Variants in ZC3HC1 observed in about 807,000 individuals in gnomAD.
ZC3HC1 encodes the protein zinc finger C3HC-type protein 1.
A neutral mutation model predicts 61.9 loss-of-function variants in ZC3HC1; 38 were observed. The observed-to-expected ratio is 0.61, with a 90% CI of 0.47 to 0.81. ZC3HC1 has a LOEUF of 0.81. Ranked by LOEUF, ZC3HC1 falls within the 30% of genes least tolerant of loss-of-function variation. The pLI is 0.00. For synonymous variants in ZC3HC1, 213 were observed against 229.9 expected (o/e 0.93, Z 0.67); for missense variants, 554 against 622.7 (o/e 0.89, Z 1.17).
chr7:130,043,830 C>A (rs1364201698), intron 2 of ZC3HC1: 5 of 455,362 alleles, frequency 1.1e-5, no homozygotes, highest in South Asian at 7.8e-5. Flanking sequence ...GAAAGGATGG[C>A]AGCATGGCAG....
intron 9 of ZC3HC1, among the ~76,000 whole-genome samples, chr7:130,020,863 C>T (rs1049595529): frequency 1.5e-4 from 23 of 151,852 alleles, no homozygotes; most frequent in African/African-American, 5.3e-4. Flanking sequence ...ACTTGGAAAA[C>T]CTTCACCTGC....
At chr7:130,041,500 C>A (rs907826299) in intron 2 of ZC3HC1, among the ~76,000 whole-genome samples, 1 of 148,084 alleles carries the variant, frequency 6.8e-6, no homozygotes, top group African/African-American at 2.5e-5. Flanking sequence ...ATGAATAAGT[C>A]ATAAATTACA....
At chr7:130,028,621 G>T (rs943594812) in intron 5 of ZC3HC1, among the ~76,000 whole-genome samples, 1 of 152,100 alleles carries the variant, frequency 6.6e-6, no homozygotes, top group Non-Finnish European at 1.5e-5. Flanking sequence ...GGGCAAACTT[G>T]AATCTATGCT....
At chr7:130,044,928 A>T (rs544575671) in intron 2 of ZC3HC1, among the ~76,000 whole-genome samples, 1 of 152,340 alleles carries the variant, frequency 6.6e-6, no homozygotes, top group African/African-American at 2.4e-5. Context: ...TGTAATCTTC[A>T]AAAGTATCAA....
Position 130,018,674 on chromosome 7 carries a change from C to CA in ZC3HC1, c.1498dup (p.Cys500LeufsTer24), listed in dbSNP as rs1491063900. ...GGCGCTGGAGTATCTTCAGCATGAG[C>CA]ACAGAGATTCCCACTGCCGAAATAT... is the stretch of plus-strand genomic sequence containing the variant. On this transcript the variant is annotated frameshift_variant, in exon 10 of 10. Coordinates refer to ENST00000358303, the MANE Select transcript of ZC3HC1 (RefSeq NM_016478.5). LOFTEE classifies it high-confidence loss of function. The CA allele has an allele frequency of 1.9e-6, 3 of 1,610,842 alleles. No homozygotes were observed. The African/African-American group carries it at 4.0e-5, about 22-fold the overall frequency.
chr7:130,037,832 G>A (rs1391463580), intron 4 of ZC3HC1, among the ~76,000 whole-genome samples: 1 of 152,176 alleles, frequency 6.6e-6, no homozygotes, highest in African/African-American at 2.4e-5. Context: ...ATATACAGAT[G>A]AATAGTGTTG....
intron 2 of ZC3HC1, among the ~76,000 whole-genome samples, chr7:130,042,745 C>T (rs564685097): frequency 2.0e-5 from 3 of 152,278 alleles, no homozygotes; most frequent in Admixed American, 2.0e-4. Flanking sequence ...TGCAATGGCA[C>T]GAGCTCAGCT....
chr7:130,049,158 GC>G lies in ZC3HC1; in HGVS notation c.147-15del, dbSNP rs1191757693. On this transcript the variant is annotated splice_polypyrimidine_tract_variant and intron_variant, in intron 1 of 9. Coordinates refer to ENST00000358303, the MANE Select transcript of ZC3HC1 (RefSeq NM_016478.5). ...GACGTGTCCTTCCTAATATAAAGTG[GC>G]AAAACTGTTGGTAAACCTTTCACAG... 6.3e-7 allele frequency: 1 copy of G among 1,577,212 alleles called. No individual in the cohort carries two copies. The highest frequency in any genetic ancestry group is 8.6e-7 in the Non-Finnish European group (1 of 1,162,252).
Position 130,018,702 on chromosome 7 carries a change from G to C in ZC3HC1, c.1471C>G (p.Arg491Gly). ...SLSEKSRKVF[R>G]IFRQWESLCS... is the part of the protein sequence containing the mutation. ...AGAGATTCCCACTGCCGAAATATTC[G>C]GAATACTTTCCTTGATTTCTCAGAG... is the stretch of plus-strand genomic sequence containing the variant. The change falls in exon 10 of 10, where the codon CGA (arginine) becomes GGA (glycine). Residue 491 changes from arginine (R) to glycine (G), a missense_variant. Coordinates refer to ENST00000358303, the MANE Select transcript of ZC3HC1 (RefSeq NM_016478.5). 6.2e-7 allele frequency: 1 copy of C among 1,612,124 alleles called. No homozygotes were observed. The highest frequency in any genetic ancestry group is 8.5e-7 in the Non-Finnish European group (1 of 1,178,550).
chr7:130,042,289 T>C (rs1238952075), intron 2 of ZC3HC1, among the ~76,000 whole-genome samples: 1 of 142,142 alleles, frequency 7.0e-6, no homozygotes, highest in Non-Finnish European at 1.5e-5. Context: ...GGCAACAGAA[T>C]GAGACCCTGT....
chr7:130,032,795 GA>G (rs1794272975), intron 4 of ZC3HC1, among the ~76,000 whole-genome samples: 9 of 126,286 alleles, frequency 7.1e-5, no homozygotes, highest in South Asian at 3.2e-4. Flanking sequence ...GGGAGGGAAG[GA>G]AAGGAAGGGA....
intron 5 of ZC3HC1, 97 bp downstream of exon 5, chr7:130,028,805 C>A: frequency 6.7e-7 from 1 of 1,488,460 alleles, no homozygotes; most frequent in Non-Finnish European, 9.0e-7. Context: ...CAGTTCTCTT[C>A]ACAGCAATTG....
At chr7:130,030,151 A>G (rs1390121554) in intron 4 of ZC3HC1, among the ~76,000 whole-genome samples, 3 of 151,336 alleles carry the variant, frequency 2.0e-5, no homozygotes, top group Non-Finnish European at 4.4e-5. Flanking sequence ...TAAAGAGGTC[A>G]GTCTAGTAGG....
chr7:130,051,240 C>A lies in ZC3HC1; in HGVS notation c.127G>T (p.Glu43Ter). Residue 43 changes from glutamate to a stop codon, truncating the protein, a stop_gained, in exon 1 of 10, where the codon GAA (glutamate) becomes TAA (stop). Transcript: ENST00000358303. LOFTEE classifies it high-confidence loss of function. ...ACTCACGCGTCCACGCCTCCCTCTT[C>A]CGGGGCAATCCCCTCATCTATCAGC... ...RQLIDEGIAP[E>*]EGGVDAKDTS... 6.2e-7 allele frequency: 1 copy of A among 1,610,114 alleles called. No homozygotes were observed. Among genetic ancestry groups the A allele is most frequent in the Non-Finnish European group, 8.5e-7 (1 of 1,178,396 alleles).
Position 130,023,806 on chromosome 7 carries a change from C to CTTT in ZC3HC1, c.1021-86_1021-84dup. On this transcript the variant is annotated intron_variant, in intron 7 of 9. Transcript: ENST00000358303. This position sits in a 1 kb window ranked among gnomAD's most constrained non-coding sequence, Gnocchi z 4.2. ...AATACTTCTTTCTTTAATCTTTTTT[C>CTTT]TTTTTTTTTTTGAGACAGAGTCTCG... 1.0e-6 allele frequency: 1 copy of CTTT among 985,948 alleles called. No individual in the cohort carries two copies. Among genetic ancestry groups the CTTT allele is most frequent in the Non-Finnish European group, 1.4e-6 (1 of 720,144 alleles). The allele number at this position is 985,948 out of a possible 1,614,324, so 61.1% of individuals were successfully genotyped here.
chr7:130,024,948 C>T (rs868628641), intron 6 of ZC3HC1, among the ~76,000 whole-genome samples: 23 of 123,212 alleles, frequency 1.9e-4, no homozygotes, highest in East Asian at 8.7e-4. Context: ...TCTTGTTGCC[C>T]GGGCTGGAGT....
Position 130,023,161 on chromosome 7 carries a change from A to C in ZC3HC1, c.1233+350T>G, listed in dbSNP as rs1793723301. On this transcript the variant is annotated intron_variant, in intron 8 of 9. Transcript: ENST00000358303. This position sits in a 1 kb window ranked among gnomAD's most constrained non-coding sequence, Gnocchi z 4.2. The stretch of plus-strand genomic sequence containing the variant: ...CATGTAATGTGCTCGTATCATCCCG[A>C]AACCATCCTCCCAACCGTGGTCCGT... 1.1e-5 allele frequency: 3 copies of C among 281,238 alleles called. No homozygotes were observed. The highest frequency in any genetic ancestry group is 6.4e-5 in the African/African-American group (3 of 46,564). 17.4% of individuals were successfully genotyped at this position (281,238 alleles called of 1,614,324 possible).
At chr7:130,022,001 CCTGT>C (rs1793663495) in intron 9 of ZC3HC1, among the ~76,000 whole-genome samples, 1 of 151,984 alleles carries the variant, frequency 6.6e-6, no homozygotes, top group African/African-American at 2.4e-5. Context: ...ATGGTGAAAC[CCTGT>C]CTATTAAAAA....
At chr7:130,020,620 C>T (rs1212313710) in intron 9 of ZC3HC1, among the ~76,000 whole-genome samples, 1 of 151,854 alleles carries the variant, frequency 6.6e-6, no homozygotes, top group Non-Finnish European at 1.5e-5. Context: ...TCTCATTAAG[C>T]TTTCTAGCTT....
Sources: allele counts gnomAD v4.1 joint callset (sites outside exome capture counted in the v4.1 genomes callset), GRCh38; gene constraint gnomAD v4.1.1; non-coding constraint Gnocchi (gnomAD v3.1); transcripts MANE v1.5; gene names NCBI Gene and HGNC (gene_info 2026-07-23, HGNC 2026-07-21).